Variants in SLC9C2 observed in about 807,000 individuals in gnomAD.
SLC9C2 encodes the protein solute carrier family 9 member C2 (putative).
Under a neutral mutation model 140.2 loss-of-function variants are expected in SLC9C2, and 75 were observed. The observed-to-expected ratio is 0.53, with a 90% CI of 0.44 to 0.65. The LOEUF (loss-of-function observed/expected upper bound fraction) is 0.65. Among genes scored for constraint, SLC9C2 ranks in the 30% least tolerant of loss-of-function variants. The pLI, the probability that SLC9C2 is intolerant of heterozygous loss-of-function variation, is 0.00. For synonymous variants in SLC9C2, 375 were observed against 420.9 expected (o/e 0.89, Z 1.34); for missense variants, 1,074 against 1,331.8 (o/e 0.81, Z 3.01).
chr1:173,551,102 C>T (rs1354949511), intron 11 of SLC9C2, among the ~76,000 whole-genome samples: 1 of 152,114 alleles, frequency 6.6e-6, no homozygotes, highest in Non-Finnish European at 1.5e-5. Flanking sequence ...ATGTGCAGGA[C>T]TTTCTGAAAA....
At chr1:173,587,582 A>G in intron 5 of SLC9C2, 83 bp downstream of exon 5, 13 of 1,324,402 alleles carry the variant, frequency 9.8e-6, no homozygotes, top group Non-Finnish European at 1.3e-5. Context: ...TGGGTGCACA[A>G]TTCATGCAAG....
rs1027452827 is a variant in SLC9C2 at position 173,579,571 on chromosome 1, A to T, written c.802+2276T>A. 1.8e-4 allele frequency among the ~76,000 whole-genome samples: 27 copies of T among 152,194 alleles called. 1 individual carries two copies. Among genetic ancestry groups the T allele is most frequent in the African/African-American group, 6.0e-4 (25 of 41,448 alleles). On this transcript the variant is annotated intron_variant, in intron 7 of 27. Transcript: ENST00000367714. The stretch of plus-strand genomic sequence containing the variant: ...CTAAAATCTAAATCACAAGTGTCTC[A>T]ATTGTTTAAGGACCTTTTACTCCAC...
chr1:173,509,444 CAA>C (rs35439430), intron 24 of SLC9C2, 122 bp downstream of exon 24: 1,947 of 737,020 alleles, frequency 2.6e-3, no homozygotes, highest in Non-Finnish European at 2.7e-3. Flanking sequence ...GCCTCTGTCT[CAA>C]AAAAAAAAAA....
chr1:173,530,914 C>A (rs1325095087), intron 17 of SLC9C2, among the ~76,000 whole-genome samples: 1 of 151,860 alleles, frequency 6.6e-6, no homozygotes, highest in Non-Finnish European at 1.5e-5. Context: ...TTTTTTTAAG[C>A]TGCTATTTTG....
intron 14 of SLC9C2, 97 bp downstream of exon 14, chr1:173,536,845 G>A: frequency 1.2e-6 from 1 of 861,126 alleles, no homozygotes; most frequent in Non-Finnish European, 1.9e-6. Flanking sequence ...TGAAATAATA[G>A]ATTGATCAAT....
rs763510860 is a variant in SLC9C2 at position 173,600,152 on chromosome 1, A to G, written c.193T>C (p.Phe65Leu). 4 of 1,611,776 alleles carry G rather than the reference A, an allele frequency of 2.5e-6. No individual in the cohort carries two copies. Among genetic ancestry groups the G allele is most frequent in the Middle Eastern group, 1.7e-4 (1 of 6,058 alleles). ...IVLTILSLSG[F>L]VIGHMAYNSV... is the part of the protein sequence containing the mutation. ...TTGTAGGCCATGTGTCCTATCACGA[A>G]TCCTGATAGAGAAAGAATCGTCAAA... The change falls in exon 3 of 28, where the codon TTC becomes CTC. Residue 65 changes from phenylalanine (F) to leucine (L), a missense_variant. Physicochemically the swap from Phe to Leu is conservative, Grantham distance 22. Transcript: ENST00000367714.
intron 9 of SLC9C2, among the ~76,000 whole-genome samples, chr1:173,567,114 T>A (rs938286679): frequency 6.6e-6 from 1 of 152,146 alleles, no homozygotes; most frequent in Non-Finnish European, 1.5e-5. Flanking sequence ...GAATGATCCA[T>A]GTGCTGAGGA....
At chr1:173,519,678 T>C (rs1481599380) in intron 22 of SLC9C2, among the ~76,000 whole-genome samples, 3 of 152,228 alleles carry the variant, frequency 2.0e-5, no homozygotes, top group Admixed American at 6.5e-5. Flanking sequence ...CCGTATTTCA[T>C]AAATACTGGC....
intron 9 of SLC9C2, among the ~76,000 whole-genome samples, chr1:173,557,944 TAAAA>T (rs1192181981): frequency 6.6e-6 from 1 of 152,052 alleles, no homozygotes; most frequent in Non-Finnish European, 1.5e-5. Flanking sequence ...CAATAAATAA[TAAAA>T]AAAGTTTATT....
rs539313269 is a variant in SLC9C2, at chr1:173,585,074, T to C, written c.524-1452A>G. Among the ~76,000 whole-genome samples, 3 of 152,366 alleles carry C rather than the reference T, an allele frequency of 2.0e-5. 1 individual carries two copies. The highest frequency in any genetic ancestry group is 7.2e-5 in the African/African-American group (3 of 41,596). ...CCTTTTCTAAGCATATGGTTCTTTT[T>C]ACTCAATTGAGATCATACTAACACT... On this transcript the variant is annotated intron_variant, in intron 5 of 27. Coordinates refer to ENST00000367714, the MANE Select transcript of SLC9C2 (RefSeq NM_178527.4).
chr1:173,530,007 C>CT lies in SLC9C2; in HGVS notation c.2210dup (p.Arg738AlafsTer7). On this transcript the variant is annotated frameshift_variant, in exon 18 of 28. Transcript: ENST00000367714. LOFTEE classifies it high-confidence loss of function. ...TAATACTATACATCAAGCTGAGGCG[C>CT]TTTTTGATCTGCACATCTGCAATTC... 6.2e-7 allele frequency: 1 copy of CT among 1,613,110 alleles called. No homozygotes were observed. The highest frequency in any genetic ancestry group is 8.5e-7 in the Non-Finnish European group (1 of 1,179,760).
At chr1:173,598,788 C>T (rs930184937) in intron 3 of SLC9C2, among the ~76,000 whole-genome samples, 1 of 152,032 alleles carries the variant, frequency 6.6e-6, no homozygotes, top group African/African-American at 2.4e-5. Context: ...TAAAAGAGAG[C>T]CTGGCACTTA....
intron 17 of SLC9C2, among the ~76,000 whole-genome samples, chr1:173,530,950 A>G (rs767351717): frequency 2.0e-5 from 3 of 152,060 alleles, no homozygotes; most frequent in Non-Finnish European, 2.9e-5. Flanking sequence ...ACAAAGGGAG[A>G]GATGTTTAAA....
intron 21 of SLC9C2, among the ~76,000 whole-genome samples, chr1:173,522,221 CA>C (rs57184360): frequency 1.4e-3 from 196 of 139,328 alleles, no homozygotes; most frequent in East Asian, 4.2e-3. Context: ...GACTCCATCT[CA>C]AAAAAAAAAA....
intron 22 of SLC9C2, 89 bp downstream of exon 22, chr1:173,521,212 T>C (rs980458208): frequency 3.3e-5 from 24 of 738,364 alleles, no homozygotes; most frequent in Non-Finnish European, 4.5e-5. Flanking sequence ...TTAAACTTTT[T>C]CAGTATCTAA....
At chr1:173,595,468 T>C (rs1195789999) in intron 4 of SLC9C2, among the ~76,000 whole-genome samples, 1 of 152,170 alleles carries the variant, frequency 6.6e-6, no homozygotes, top group Non-Finnish European at 1.5e-5. Context: ...TTGGCCAAAC[T>C]ATCTTCTTAG....
At chr1:173,564,298 T>C (rs904864952) in intron 9 of SLC9C2, among the ~76,000 whole-genome samples, 1 of 152,252 alleles carries the variant, frequency 6.6e-6, no homozygotes, top group Non-Finnish European at 1.5e-5. Flanking sequence ...GTAGTGGTTG[T>C]ACTAATCTAC....
At position 173,581,858 on chromosome 1, in the gene SLC9C2, G is replaced by A; in HGVS notation, c.791C>T (p.Thr264Ile). 6.4e-7 allele frequency: 1 copy of A among 1,573,648 alleles called. No homozygotes were observed. Among genetic ancestry groups the A allele is most frequent in the Non-Finnish European group, 8.7e-7 (1 of 1,155,740 alleles). Residue 264 changes from threonine (T) to isoleucine (I), a missense_variant, in exon 7 of 28, where the codon ACT becomes ATT. Thr to Ile is a moderately conservative substitution (Grantham distance 89, BLOSUM62 -1). Coordinates refer to ENST00000367714, the MANE Select transcript of SLC9C2 (RefSeq NM_178527.4). Reference sequence around the variant, plus strand: ...TATTTCAGCCTTACCAATATAGAAAGTCATGTACACCATTGAAAAGCAGAG... The same window carrying A: ...TATTTCAGCCTTACCAATATAGAAAATCATGTACACCATTGAAAAGCAGAG... ...IILCFSMVYM[T>I]FYIVEFLGMS...
chr1:173,523,962 T>G lies in SLC9C2; in HGVS notation c.2640+7A>C. 6.2e-7 allele frequency: 1 copy of G among 1,603,676 alleles called. No homozygotes were observed. The highest frequency in any genetic ancestry group is 8.5e-7 in the Non-Finnish European group (1 of 1,177,352). Reference sequence around the variant, plus strand: ...ACCTGAGCCAGAATAGAAAACGGAATCTTTACCTTGAAGAAGTCAATGAGA... The same window carrying G: ...ACCTGAGCCAGAATAGAAAACGGAAGCTTTACCTTGAAGAAGTCAATGAGA... On this transcript the variant is annotated splice_region_variant and intron_variant, in intron 21 of 27. Transcript: ENST00000367714.
Sources: gnomAD v4.1 joint callset for allele counts (sites outside exome capture counted in the v4.1 genomes callset) on GRCh38, gnomAD v4.1.1 for gene constraint, MANE v1.5 for transcripts, NCBI Gene and HGNC (gene_info 2026-07-23, HGNC 2026-07-21) for gene names.